DSCAM: variants seen among roughly 807,000 people sequenced by gnomAD.
DSCAM encodes cell adhesion molecule DSCAM.
DSCAM carries 47 observed loss-of-function variants against 217.7 expected under a neutral mutation model. That is an observed-to-expected ratio of 0.22 (90% CI 0.17 to 0.28). The LOEUF (loss-of-function observed/expected upper bound fraction) is 0.28, where lower values mean the gene tolerates loss of function less well. DSCAM is among the 10% of genes least tolerant of loss of function. The probability of loss-of-function intolerance (pLI) is 1.00; values close to 1 mark genes in which losing one functional copy is unlikely to be tolerated. For synonymous variants in DSCAM, 1,056 were observed against 1,015.3 expected (o/e 1.04, Z -0.76); for missense variants, 2,080 against 2,618.3 (o/e 0.79, Z 4.49).
intron 1 of DSCAM, among the ~76,000 whole-genome samples, chr21:40,764,649 A>T (rs571032884): frequency 3.8e-4 from 58 of 152,324 alleles, no homozygotes; most frequent in African/African-American, 1.4e-3. Flanking sequence ...ACACATGCAC[A>T]TGTATGTTTA....
At chr21:40,452,805 A>G (rs1192359546) in intron 3 of DSCAM, among the ~76,000 whole-genome samples, 1 of 152,124 alleles carries the variant, frequency 6.6e-6, no homozygotes, top group Non-Finnish European at 1.5e-5. Context: ...AGAAGATGTG[A>G]TCTAGGATTT....
At chr21:40,198,263 C>T (rs982229575) in intron 11 of DSCAM, among the ~76,000 whole-genome samples, 1 of 152,116 alleles carries the variant, frequency 6.6e-6, no homozygotes, top group African/African-American at 2.4e-5. Flanking sequence ...CTTTTTCCTT[C>T]CTTCTGTGGT....
At position 40,012,970 on chromosome 21, in the gene DSCAM, AAAAG is replaced by A. The variant is rs1410885813; in HGVS notation, c.*60_*63del. 1.7e-5 allele frequency: 21 copies of A among 1,209,536 alleles called. No individual in the cohort carries two copies. The highest frequency in any genetic ancestry group is 3.2e-5 in the South Asian group (1 of 30,826). 74.9% of individuals were successfully genotyped at this position (1,209,536 alleles called of 1,614,324 possible). On this transcript the variant is annotated 3_prime_UTR_variant, in exon 33 of 33. Transcript: ENST00000400454. The stretch of plus-strand genomic sequence containing the variant: ...TTATAAATATTGGAATTCCGTAAAA[AAAAG>A]GTAGCTTTGATTGAATTGTTTGAAT...
chr21:40,525,023 A>AAAAAAAAAAAAAAAAAAAAAAAAAC (rs2076389697), intron 3 of DSCAM, among the ~76,000 whole-genome samples: 1 of 151,652 alleles, frequency 6.6e-6, no homozygotes, highest in Admixed American at 6.6e-5. Context: ...AAAAAAAAAA[A>AAAAAAAAAAAAAAAAAAAAAAAAAC]AAAAAAAATC....
intron 18 of DSCAM, among the ~76,000 whole-genome samples, chr21:40,135,826 C>T (rs183751326): frequency 7.9e-5 from 12 of 152,288 alleles, no homozygotes; most frequent in African/African-American, 2.2e-4. Flanking sequence ...CAATGTGGAA[C>T]GGATACAGCA....
intron 8 of DSCAM, among the ~76,000 whole-genome samples, chr21:40,322,245 G>T (rs910023203): frequency 3.9e-5 from 6 of 152,100 alleles, no homozygotes; most frequent in African/African-American, 1.4e-4. Context: ...TCATTTGTCT[G>T]TGGGTTCTCC....
At chr21:40,615,581 T>A (rs145295684) in intron 3 of DSCAM, 8 of 152,278 alleles carry the variant, frequency 5.3e-5, no homozygotes, top group Admixed American at 4.6e-4. Flanking sequence ...CTTTCATTAT[T>A]TTGAGTGGTG....
At chr21:40,636,145 T>C (rs1024006880) in intron 3 of DSCAM, among the ~76,000 whole-genome samples, 3 of 152,128 alleles carry the variant, frequency 2.0e-5, no homozygotes, top group African/African-American at 7.2e-5. Flanking sequence ...CTGGGCACAG[T>C]TTTAAAGCTG....
At chr21:40,154,611 G>A (rs2090457820) in intron 16 of DSCAM, among the ~76,000 whole-genome samples, 1 of 152,082 alleles carries the variant, frequency 6.6e-6, no homozygotes, top group Non-Finnish European at 1.5e-5. Context: ...ATTAAATACA[G>A]TATCTGTGTC....
intron 10 of DSCAM, among the ~76,000 whole-genome samples, chr21:40,277,114 G>C (rs1009958138): frequency 6.6e-6 from 1 of 152,060 alleles, no homozygotes; most frequent in African/African-American, 2.4e-5. Flanking sequence ...ATGGGATTCA[G>C]GCCTTGAAAG....
At chr21:40,271,988 G>A (rs1371772697) in intron 11 of DSCAM, among the ~76,000 whole-genome samples, 2 of 151,990 alleles carry the variant, frequency 1.3e-5, no homozygotes, top group African/African-American at 4.8e-5. Flanking sequence ...GAATAGACCT[G>A]TCTCCTGGGA....
intron 11 of DSCAM, among the ~76,000 whole-genome samples, chr21:40,273,293 C>T (rs558529630): frequency 6.6e-6 from 1 of 152,140 alleles, no homozygotes; most frequent in African/African-American, 2.4e-5. Context: ...TTTTCTAGGC[C>T]TAGAGAGATA....
At chr21:40,744,594 A>T (rs1489710764) in intron 1 of DSCAM, among the ~76,000 whole-genome samples, 3 of 152,222 alleles carry the variant, frequency 2.0e-5, no homozygotes, top group Admixed American at 1.3e-4. Flanking sequence ...TGTTCCCTAG[A>T]CTGGGAAACA....
At chr21:40,330,612 C>A (rs2074368234) in intron 8 of DSCAM, among the ~76,000 whole-genome samples, 1 of 151,844 alleles carries the variant, frequency 6.6e-6, no homozygotes, top group Non-Finnish European at 1.5e-5. Flanking sequence ...CTGAAGGAAC[C>A]CATAGAAGCT....
At chr21:40,031,442 G>C (rs1163721063) in intron 32 of DSCAM, among the ~76,000 whole-genome samples, 1 of 151,954 alleles carries the variant, frequency 6.6e-6, no homozygotes, top group Admixed American at 6.6e-5. Flanking sequence ...AAAGACACTG[G>C]GTATTACCCT....
At chr21:40,154,279 G>T (rs922163198) in intron 16 of DSCAM, among the ~76,000 whole-genome samples, 4 of 144,160 alleles carry the variant, frequency 2.8e-5, no homozygotes, top group East Asian at 2.0e-4. Context: ...TTTTCACAGG[G>T]TCTCACTCTG....
chr21:40,652,927 G>C (rs991491181), intron 3 of DSCAM, among the ~76,000 whole-genome samples: 4 of 152,144 alleles, frequency 2.6e-5, no homozygotes, highest in African/African-American at 9.7e-5. Context: ...TAAGTCATCT[G>C]AGCACTCTAT....
intron 3 of DSCAM, among the ~76,000 whole-genome samples, chr21:40,493,863 CA>C (rs57564776): frequency 0.11 from 13,740 of 125,096 alleles, 1,128 homozygotes; most frequent in African/African-American, 0.22. Context: ...AACTCCATCT[CA>C]AAAAAAAAAA....
At chr21:40,751,465 T>TTGAATAAA (rs2091227741) in intron 1 of DSCAM, among the ~76,000 whole-genome samples, 1 of 152,222 alleles carries the variant, frequency 6.6e-6, no homozygotes, top group Non-Finnish European at 1.5e-5. Context: ...AATTTATTTG[T>TTGAATAAA]TGAATAAATG....
Sources: allele counts gnomAD v4.1 joint callset (sites outside exome capture counted in the v4.1 genomes callset), GRCh38; gene constraint gnomAD v4.1.1; transcripts MANE v1.5; gene names NCBI Gene and HGNC (gene_info 2026-07-23, HGNC 2026-07-21).